PRDM11: variants seen among roughly 807,000 people sequenced by gnomAD.
The protein encoded by PRDM11 is PR domain-containing protein 11.
PRDM11 carries 20 observed loss-of-function variants against 97.8 expected under a neutral mutation model. The observed-to-expected ratio is 0.20, with a 90% confidence interval of 0.14 to 0.30. PRDM11 has a LOEUF of 0.30. PRDM11 is among the 10% of genes least tolerant of loss of function. The pLI, the probability that PRDM11 is intolerant of heterozygous loss-of-function variation, is 1.00. For synonymous variants in PRDM11, 599 were observed against 637.7 expected, an observed-to-expected ratio of 0.94 and a Z score of 0.91; for missense variants, 1,139 against 1,555.2, an observed-to-expected ratio of 0.73 and a Z score of 4.50.
At chr11:45,094,590 G>T (rs549542674), upstream of PRDM11, among the ~76,000 whole-genome samples, 1 of 116,206 alleles carries the variant, frequency 8.6e-6, no homozygotes, top group Non-Finnish European at 1.9e-5. Flanking sequence ...GAAGGAAAGG[G>T]AGGGGAGGGG....
At position 45,224,251 on chromosome 11, in the gene PRDM11, G is replaced by A; in HGVS notation, c.777G>A (p.Gln259=). 1 of 1,609,026 alleles carries A rather than the reference G, an allele frequency of 6.2e-7. No homozygotes were observed. The highest frequency in any genetic ancestry group is 1.1e-5 in the South Asian group (1 of 89,970). The change falls in exon 7 of 8, where the codon CAG becomes CAA. Residue 259 remains glutamine, a synonymous_variant. Coordinates refer to ENST00000683152, the MANE Select transcript of PRDM11 (RefSeq NM_001384648.1). ...EKRLQREKSE[Q]VLDNPEDLRG... ...GGTTGCAGAGGGAGAAGTCTGAGCAGGTTCTGGATAACCCAGAAGACCTGA... is the reference window on the plus strand; with the variant it reads ...GGTTGCAGAGGGAGAAGTCTGAGCAAGTTCTGGATAACCCAGAAGACCTGA...
At chr11:45,147,120 G>A (rs886172609) in intron 1 of PRDM11, among the ~76,000 whole-genome samples, 28 of 151,014 alleles carry the variant, frequency 1.9e-4, no homozygotes, top group Non-Finnish European at 3.2e-4. Flanking sequence ...CGCCGCCGCG[G>A]GAGCCGGGGG....
chr11:45,153,881 G>T (rs145134847), intron 1 of PRDM11, among the ~76,000 whole-genome samples: 1 of 152,162 alleles, frequency 6.6e-6, no homozygotes, highest in Non-Finnish European at 1.5e-5. Context: ...GGTTACTCCC[G>T]CATCCACATA....
At position 45,228,142 on chromosome 11, in the gene PRDM11, T is replaced by A. The variant is rs1854321688; in HGVS notation, c.3517T>A (p.Phe1173Ile). 1 of 1,522,350 alleles carries A rather than the reference T, an allele frequency of 6.6e-7. No homozygotes were observed. Among genetic ancestry groups the A allele is most frequent in the South Asian group, 1.2e-5 (1 of 82,990 alleles). The allele number at this position is 1,522,350 out of a possible 1,614,324, so 94.3% of individuals were successfully genotyped here. A position where few individuals can be genotyped will look rare whatever the true frequency, so the allele number is the denominator to read the frequency against. The change falls in exon 8 of 8, where the codon TTT becomes ATT. Residue 1173 changes from phenylalanine to isoleucine, a missense_variant. Around this residue, in one of 2 missense-constraint regions of PRDM11, gnomAD observed 710 missense variants for 1,044.9 expected, o/e 0.68. Coordinates refer to ENST00000683152, the MANE Select transcript of PRDM11 (RefSeq NM_001384648.1). ...ACAGACCATGGACCACGGGACGGAGTTTTACCCCGACATTTAGGGAGCTGG... is the reference window on the plus strand; with the variant it reads ...ACAGACCATGGACCACGGGACGGAGATTTACCCCGACATTTAGGGAGCTGG... ...ALQTMDHGTE[F>I]YPDI
Position 45,227,451 on chromosome 11 carries a change from C to T in PRDM11, c.2826C>T (p.Asn942=), listed in dbSNP as rs751600009. ...AGGAGAATTTCCGAGAGAGCTTCAACGGGATCGCCATGAAGAACCTCAGGG... is the reference window on the plus strand; with the variant it reads ...AGGAGAATTTCCGAGAGAGCTTCAATGGGATCGCCATGAAGAACCTCAGGG... ...EFEENFRESF[N]GIAMKNLRVA... Residue 942 remains asparagine, a synonymous_variant, in exon 8 of 8, where the codon AAC becomes AAT. Transcript: ENST00000683152. This position sits in a 1 kb window ranked among gnomAD's most constrained non-coding sequence, Gnocchi z 8.0. The T allele has an allele frequency of 1.6e-5, 24 of 1,533,696 alleles. No individual in the cohort carries two copies. The African/African-American group carries it at 2.9e-4, about 18-fold the overall frequency.
At chr11:45,114,617 TC>T (rs1324463293) in intron 1 of PRDM11, among the ~76,000 whole-genome samples, 4 of 151,962 alleles carry the variant, frequency 2.6e-5, no homozygotes, top group Admixed American at 2.6e-4. Context: ...AGGAAGCAGT[TC>T]CTAGGCACAT....
chr11:45,153,881 G>A lies in PRDM11; in HGVS notation c.-7+7004G>A, dbSNP rs145134847. On this transcript the variant is annotated intron_variant, in intron 1 of 7. Coordinates refer to ENST00000683152, the MANE Select transcript of PRDM11 (RefSeq NM_001384648.1). ...ACAACAGCCCCGTGAGGTTACTCCC[G>A]CATCCACATATGGATGAGGAACCTT... is the stretch of plus-strand genomic sequence containing the variant. Among the ~76,000 whole-genome samples, 589 of 152,278 alleles carry A rather than the reference G, an allele frequency of 3.9e-3. 3 individuals carry two copies. The highest frequency in any genetic ancestry group is 0.013 in the African/African-American group (555 of 41,550).
At chr11:45,224,982 T>A (rs1590478416) in intron 7 of PRDM11, 139 bp downstream of exon 7, 1 of 1,519,728 alleles carries the variant, frequency 6.6e-7, no homozygotes. Flanking sequence ...CCTCCGTGGG[T>A]GGGAGCCCAG....
intron 4 of PRDM11, among the ~76,000 whole-genome samples, chr11:45,190,873 G>C (rs1852889583): frequency 1.3e-5 from 2 of 151,954 alleles, no homozygotes; most frequent in South Asian, 4.2e-4. Context: ...ACAGACAATG[G>C]GGGCTGGATT....
intron 1 of PRDM11, among the ~76,000 whole-genome samples, chr11:45,099,368 T>C (rs1224458127): frequency 1.3e-5 from 2 of 150,862 alleles, no homozygotes; most frequent in Non-Finnish European, 2.9e-5. Context: ...GGAGAATTGC[T>C]TGAACTCGGG....
chr11:45,094,975 AAC>A (rs1851868246), upstream of PRDM11, among the ~76,000 whole-genome samples: 1 of 152,046 alleles, frequency 6.6e-6, no homozygotes, highest in East Asian at 1.9e-4. Context: ...GAAGGAGATA[AAC>A]AGAGTCTGGA....
chr11:45,173,815 G>A (rs910959652), intron 1 of PRDM11, among the ~76,000 whole-genome samples: 13 of 152,074 alleles, frequency 8.5e-5, no homozygotes, highest in African/African-American at 3.1e-4. Flanking sequence ...CAAAATCAGG[G>A]ACTGGACAGG....
chr11:45,107,740 G>A (rs554759186), intron 1 of PRDM11, among the ~76,000 whole-genome samples: 7 of 152,054 alleles, frequency 4.6e-5, no homozygotes, highest in Admixed American at 1.3e-4. Context: ...ATAGATTTGC[G>A]TGGCATTGTA....
chr11:45,145,483 C>T (rs1167514899), upstream of PRDM11, among the ~76,000 whole-genome samples: 3 of 152,200 alleles, frequency 2.0e-5, no homozygotes, highest in Non-Finnish European at 2.9e-5. Context: ...ACTCCTTCCG[C>T]CTTGGGAGGA....
chr11:45,176,602 C>T (rs1852333977), intron 1 of PRDM11, among the ~76,000 whole-genome samples: 1 of 152,126 alleles, frequency 6.6e-6, no homozygotes, highest in South Asian at 2.1e-4. Flanking sequence ...TTGTGAGTGG[C>T]TGTGCTGGTG....
chr11:45,168,517 G>T (rs941283004), intron 1 of PRDM11, among the ~76,000 whole-genome samples: 1 of 152,044 alleles, frequency 6.6e-6, no homozygotes, highest in Non-Finnish European at 1.5e-5. Context: ...TGCCTCCTCC[G>T]GTGGCCTTGA....
intron 1 of PRDM11, 96 bp from the exon 2 acceptor site, chr11:45,181,665 C>T: frequency 1.0e-6 from 1 of 991,504 alleles, no homozygotes; most frequent in Non-Finnish European, 1.5e-6. Context: ...GGTAACCAGA[C>T]TCCGCGAGAC....
At chr11:45,106,773 C>T (rs966477261) in intron 1 of PRDM11, among the ~76,000 whole-genome samples, 1 of 152,122 alleles carries the variant, frequency 6.6e-6, no homozygotes, top group Non-Finnish European at 1.5e-5. Flanking sequence ...GAGTGGATGT[C>T]GCAGGAGAGC....
At chr11:45,163,675 C>T (rs190057243) in intron 1 of PRDM11, among the ~76,000 whole-genome samples, 7 of 152,354 alleles carry the variant, frequency 4.6e-5, no homozygotes, top group African/African-American at 9.6e-5. Flanking sequence ...TGAGTAAGTC[C>T]CTTTCCCTCT....
Sources: allele counts gnomAD v4.1 joint callset (sites outside exome capture counted in the v4.1 genomes callset), GRCh38; gene constraint gnomAD v4.1.1; regional missense constraint gnomAD v4.1.1; non-coding constraint Gnocchi (gnomAD v3.1); transcripts MANE v1.5; gene names NCBI Gene and HGNC (gene_info 2026-07-23, HGNC 2026-07-21).